Variants in TMEM132D observed in about 807,000 individuals in gnomAD.
The protein encoded by TMEM132D is transmembrane protein 132D, also known as mature OL transmembrane protein.
TMEM132D carries 21 observed loss-of-function variants against 62.3 expected under a neutral mutation model. That is an observed-to-expected ratio of 0.34 (90% confidence interval 0.24 to 0.49). The LOEUF (loss-of-function observed/expected upper bound fraction) is 0.49. TMEM132D is among the 20% of genes least tolerant of loss of function. The pLI, the probability that TMEM132D is intolerant of heterozygous loss-of-function variation, is 0.99. For synonymous variants in TMEM132D, 621 were observed against 575.6 expected, an observed-to-expected ratio of 1.08 and a Z score of -1.13; for missense variants, 1,346 against 1,402.8, an observed-to-expected ratio of 0.96 and a Z score of 0.65.
chr12:129,715,845 AT>A (rs1868551953), intron 1 of TMEM132D, among the ~76,000 whole-genome samples: 1 of 152,218 alleles, frequency 6.6e-6, no homozygotes, highest in Non-Finnish European at 1.5e-5. Flanking sequence ...AGCCTAGGCT[AT>A]GACGCTAGGA....
At chr12:129,450,978 T>G (rs974808224) in intron 3 of TMEM132D, among the ~76,000 whole-genome samples, 3 of 151,900 alleles carry the variant, frequency 2.0e-5, no homozygotes, top group Non-Finnish European at 4.4e-5. Flanking sequence ...TGGCCAGGCT[T>G]GTCTAGAACT....
chr12:129,410,760 A>G (rs1871945968), intron 3 of TMEM132D, among the ~76,000 whole-genome samples: 1 of 152,186 alleles, frequency 6.6e-6, no homozygotes, highest in Non-Finnish European at 1.5e-5. Context: ...TTTAACTTTT[A>G]AGTTCAGGAG....
intron 3 of TMEM132D, among the ~76,000 whole-genome samples, chr12:129,338,981 A>G (rs533917162): frequency 1.3e-5 from 2 of 152,016 alleles, no homozygotes; most frequent in South Asian, 4.2e-4. Flanking sequence ...ACAGAGAGAG[A>G]GAAAGGAGGG....
Position 129,081,459 on chromosome 12 carries a change from C to T in TMEM132D, c.1923+300G>A, listed in dbSNP as rs138561463. Among the ~76,000 whole-genome samples the T allele has an allele frequency of 5.7e-4, 87 of 152,192 alleles. 1 individual carries two copies. Among genetic ancestry groups the T allele is most frequent in the Admixed American group, 1.0e-3 (16 of 15,288 alleles). ...GACCACAGGCATGCACCACCACACTCGGGTAATTTTTTGTATTTTTGGTAG... is the reference window on the plus strand; with the variant it reads ...GACCACAGGCATGCACCACCACACTTGGGTAATTTTTTGTATTTTTGGTAG... On this transcript the variant is annotated intron_variant, in intron 7 of 8. Transcript: ENST00000422113.
chr12:129,809,264 T>C (rs892572880), intron 1 of TMEM132D, among the ~76,000 whole-genome samples: 3 of 147,982 alleles, frequency 2.0e-5, no homozygotes, highest in African/African-American at 7.5e-5. Flanking sequence ...GCTGAGATCA[T>C]GCCACTGCAC....
intron 3 of TMEM132D, among the ~76,000 whole-genome samples, chr12:129,491,305 A>AC (rs1445268990): frequency 6.6e-6 from 1 of 152,088 alleles, no homozygotes; most frequent in African/African-American, 2.4e-5. Flanking sequence ...CAACAACAGG[A>AC]CCCCACTGAT....
rs564151739 is a variant in TMEM132D at position 129,764,819 on chromosome 12, T to C, written c.80-64121A>G. Among the ~76,000 whole-genome samples the C allele has an allele frequency of 2.6e-5, 4 of 152,204 alleles. No individual in the cohort carries two copies. In the South Asian group the frequency reaches 8.3e-4, roughly 32 times the overall value. ...TAGCTGGTGTGGTGATACAAGCATA[T>C]AGTCCCAGCTACTCAGGAGGTTGAG... On this transcript the variant is annotated intron_variant, in intron 1 of 8. Coordinates refer to ENST00000422113, the MANE Select transcript of TMEM132D (RefSeq NM_133448.3).
In TMEM132D at chr12:129,520,350, G is replaced by T. The variant is rs552491621; in HGVS notation, c.1115+10709C>A. ...CTTCTGTAAGACCTCCCAACTATCT[G>T]TTCTAACACAGAAGAAAAAGCCCCA... On this transcript the variant is annotated intron_variant, in intron 3 of 8. Coordinates refer to ENST00000422113, the MANE Select transcript of TMEM132D (RefSeq NM_133448.3). Among the ~76,000 whole-genome samples the T allele has an allele frequency of 1.8e-4, 28 of 152,284 alleles. No individual in the cohort carries two copies. In the South Asian group the frequency reaches 5.8e-3, roughly 32 times the overall value.
At chr12:129,610,670 C>T (rs924098685) in intron 2 of TMEM132D, among the ~76,000 whole-genome samples, 4 of 151,834 alleles carry the variant, frequency 2.6e-5, no homozygotes, top group East Asian at 1.9e-4. Flanking sequence ...TCACTTAAAT[C>T]GTCAGATTTA....
chr12:129,632,417 G>T (rs1303818655), intron 2 of TMEM132D, among the ~76,000 whole-genome samples: 1 of 152,214 alleles, frequency 6.6e-6, no homozygotes, highest in Non-Finnish European at 1.5e-5. Flanking sequence ...TTAGTTCTCA[G>T]TTCAAAAGCT....
intron 2 of TMEM132D, among the ~76,000 whole-genome samples, chr12:129,613,509 A>G (rs1878832678): frequency 1.3e-5 from 2 of 152,306 alleles, no homozygotes; most frequent in South Asian, 4.1e-4. Context: ...CCCAGCAGCA[A>G]TATGTCATTT....
chr12:129,301,505 C>T (rs1010499886), intron 4 of TMEM132D, among the ~76,000 whole-genome samples: 4 of 152,226 alleles, frequency 2.6e-5, no homozygotes, highest in Admixed American at 2.0e-4. Flanking sequence ...CCTCATGCGA[C>T]CTGCTTCAAA....
Position 129,678,831 on chromosome 12 carries a change from T to A in TMEM132D, c.968+20979A>T, listed in dbSNP as rs1453693218. Reference sequence around the variant, plus strand: ...CATGAAGCAGGAATCTCATCCCTTTTTTCTCATTTGGATAATTAGTACTCT... The same window carrying A: ...CATGAAGCAGGAATCTCATCCCTTTATTCTCATTTGGATAATTAGTACTCT... On this transcript the variant is annotated intron_variant, in intron 2 of 8. Coordinates refer to ENST00000422113, the MANE Select transcript of TMEM132D (RefSeq NM_133448.3). Among the ~76,000 whole-genome samples the A allele has an allele frequency of 2.0e-5, 3 of 152,104 alleles. No homozygotes were observed. In the East Asian group the frequency reaches 5.8e-4, roughly 29 times the overall value.
At chr12:129,242,567 C>A (rs1277608451) in intron 4 of TMEM132D, among the ~76,000 whole-genome samples, 1 of 152,100 alleles carries the variant, frequency 6.6e-6, no homozygotes, top group Non-Finnish European at 1.5e-5. Flanking sequence ...GAATTTAATT[C>A]ATTTTCATGG....
At chr12:129,729,808 G>T (rs1105520) in intron 1 of TMEM132D, among the ~76,000 whole-genome samples, 2 of 151,922 alleles carry the variant, frequency 1.3e-5, no homozygotes, top group African/African-American at 4.8e-5. Flanking sequence ...AGTTTTAATC[G>T]CCAGAACCTG....
chr12:129,311,457 T>C (rs1342909458), intron 4 of TMEM132D, among the ~76,000 whole-genome samples: 1 of 152,156 alleles, frequency 6.6e-6, no homozygotes, highest in Non-Finnish European at 1.5e-5. Context: ...ACAAATATTT[T>C]GAATGCCCAC....
chr12:129,123,357 G>A (rs878956729), intron 5 of TMEM132D, among the ~76,000 whole-genome samples: 1 of 151,592 alleles, frequency 6.6e-6, no homozygotes, highest in Non-Finnish European at 1.5e-5. Context: ...CTAAATATTC[G>A]GTAATTCCGT....
intron 2 of TMEM132D, among the ~76,000 whole-genome samples, chr12:129,660,866 A>T (rs549400124): frequency 2.0e-4 from 30 of 152,196 alleles, no homozygotes; most frequent in Non-Finnish European, 3.5e-4. Context: ...GTTCTCAAAT[A>T]GACACACAGT....
intron 5 of TMEM132D, among the ~76,000 whole-genome samples, chr12:129,099,802 CTTTAT>C (rs1457196711): frequency 7.8e-6 from 1 of 127,666 alleles, no homozygotes; most frequent in African/African-American, 3.7e-5. Context: ...GCGAAACCCA[CTTTAT>C]TTTTTTTTAT....
Sources: allele counts gnomAD v4.1 joint callset (sites outside exome capture counted in the v4.1 genomes callset), GRCh38; gene constraint gnomAD v4.1.1; transcripts MANE v1.5; gene names NCBI Gene and HGNC (gene_info 2026-07-23, HGNC 2026-07-21).